Variants in TTC3 observed in about 807,000 individuals in gnomAD.
TTC3 encodes the protein E3 ubiquitin-protein ligase TTC3.
A neutral mutation model predicts 249.6 loss-of-function variants in TTC3; 180 were observed. The observed-to-expected ratio is 0.72, with a 90% CI of 0.64 to 0.82. The LOEUF (loss-of-function observed/expected upper bound fraction) is 0.82. TTC3 is among the 40% of genes least tolerant of loss of function. The pLI, the probability that TTC3 is intolerant of heterozygous loss-of-function variation, is 0.00. For missense variants in TTC3, 2,061 were observed against 2,398.4 expected (o/e 0.86, Z 2.94); for synonymous variants, 717 against 805.0 (o/e 0.89, Z 1.85).
chr21:37,095,416 A>G, exon 9 of TTC3: 1 of 1,605,906 alleles, frequency 6.2e-7, no homozygotes, highest in South Asian at 1.1e-5. Flanking sequence ...TATAGCTATT[A>G]TCTATTACAC....
intron 1 of TTC3, among the ~76,000 whole-genome samples, chr21:37,074,006 C>T (rs138473183): frequency 6.7e-4 from 102 of 152,336 alleles, no homozygotes; most frequent in African/African-American, 2.4e-3. Flanking sequence ...GGATTTAATT[C>T]TGTCGAGTGG....
At chr21:37,175,263 CAAAAAAAAAAAAA>C (rs58424565) in intron 35 of TTC3, among the ~76,000 whole-genome samples, 3 of 54,022 alleles carry the variant, frequency 5.6e-5, no homozygotes, top group African/African-American at 1.4e-4. Context: ...GACTGTGTCT[CAAAAAAAAAAAAA>C]AAAAAAAAAA....
intron 20 of TTC3, among the ~76,000 whole-genome samples, chr21:37,142,962 C>G (rs1420086605): frequency 6.6e-6 from 1 of 152,236 alleles, no homozygotes; most frequent in Non-Finnish European, 1.5e-5. Flanking sequence ...ACTATCTGAT[C>G]TTTGACAAAC....
chr21:37,179,697 G>A (rs1264762135), intron 35 of TTC3, among the ~76,000 whole-genome samples: 1 of 151,796 alleles, frequency 6.6e-6, no homozygotes, highest in East Asian at 1.9e-4. Context: ...TTTGAATGGG[G>A]GTCTCATTGT....
At chr21:37,182,134 C>G (rs1173186836) in intron 35 of TTC3, among the ~76,000 whole-genome samples, 1 of 152,152 alleles carries the variant, frequency 6.6e-6, no homozygotes. Context: ...ATGTGCCCCA[C>G]CCAAACCCCT....
intron 10 of TTC3, among the ~76,000 whole-genome samples, chr21:37,105,930 A>G (rs1231291273): frequency 6.6e-6 from 1 of 152,126 alleles, no homozygotes; most frequent in East Asian, 1.9e-4. Context: ...GAACATATGT[A>G]TTTATTTCTG....
intron 33 of TTC3, among the ~76,000 whole-genome samples, chr21:37,166,880 A>T (rs2081296609): frequency 6.6e-6 from 1 of 152,188 alleles, no homozygotes; most frequent in South Asian, 2.1e-4. Context: ...CAGCAGGTGG[A>T]GCCAAAACGT....
At chr21:37,180,336 TTTTC>T (rs1420021445) in intron 35 of TTC3, among the ~76,000 whole-genome samples, 6 of 152,138 alleles carry the variant, frequency 3.9e-5, no homozygotes, top group Non-Finnish European at 7.3e-5. Context: ...CTCTATTCTG[TTTTC>T]TTTATCTGCT....
rs895606805 is a variant in TTC3, at chr21:37,151,717, A to G, written c.2277-176A>G. On this transcript the variant is annotated intron_variant, in intron 25 of 45. Transcript: ENST00000355666. ...CCTAATCATTGAGGTTTTTGTTTTC[A>G]TGAAACAAGTACCCTTATTTTGACA... Among the ~76,000 whole-genome samples the G allele has an allele frequency of 3.3e-5, 5 of 152,206 alleles. No individual in the cohort carries two copies. In the East Asian group the frequency reaches 7.7e-4, roughly 23 times the overall value.
In TTC3 at chr21:37,155,212, T is replaced by C. The variant is rs73393147; in HGVS notation, c.2741-1443T>C. Among the ~76,000 whole-genome samples the C allele has an allele frequency of 5.6e-3, 858 of 152,180 alleles. 9 individuals are homozygous for C. The highest frequency in any genetic ancestry group is 0.02 in the African/African-American group (811 of 41,504). ...GGAATTTTCTTCAATAAAACGACTATTGGGTGGACTTACATCATGCACATA... is the reference window on the plus strand; with the variant it reads ...GGAATTTTCTTCAATAAAACGACTACTGGGTGGACTTACATCATGCACATA... On this transcript the variant is annotated intron_variant, in intron 27 of 45. Coordinates refer to ENST00000355666, the Ensembl canonical transcript of TTC3.
chr21:37,181,107 T>G (rs1283810891), intron 35 of TTC3, among the ~76,000 whole-genome samples: 1 of 152,236 alleles, frequency 6.6e-6, no homozygotes, highest in Non-Finnish European at 1.5e-5. Flanking sequence ...ATAGCTGACC[T>G]GTTTAGCATT....
At chr21:37,114,620 G>A (rs2075965927) in intron 11 of TTC3, among the ~76,000 whole-genome samples, 1 of 152,148 alleles carries the variant, frequency 6.6e-6, no homozygotes, top group African/African-American at 2.4e-5. Flanking sequence ...GGAAGTCAGT[G>A]TGGCGATTCC....
intron 29 of TTC3, among the ~76,000 whole-genome samples, chr21:37,160,078 A>G (rs2080554519): frequency 6.6e-6 from 1 of 152,220 alleles, no homozygotes; most frequent in African/African-American, 2.4e-5. Flanking sequence ...CTAAACTTCT[A>G]ATGTTCTGCT....
intron 16 of TTC3, among the ~76,000 whole-genome samples, chr21:37,130,093 C>T (rs61587892): frequency 0.058 from 8,768 of 152,176 alleles, 615 homozygotes; most frequent in African/African-American, 0.15. Context: ...CACTGGTTTT[C>T]AATTTCTTCT....
intron 21 of TTC3, 58 bp from the exon 22 acceptor site, chr21:37,147,423 G>A (rs879505580): frequency 4.8e-6 from 7 of 1,460,450 alleles, no homozygotes; most frequent in South Asian, 4.1e-5. Context: ...GAAATCACAA[G>A]CATTTTTATT....
chr21:37,164,848 G>A (rs1402425759), intron 32 of TTC3, among the ~76,000 whole-genome samples: 1 of 152,162 alleles, frequency 6.6e-6, no homozygotes, highest in Non-Finnish European at 1.5e-5. Context: ...CTGTAATAGA[G>A]TATTAATTTA....
chr21:37,125,670 T>G (rs2076988522), intron 14 of TTC3, among the ~76,000 whole-genome samples: 3 of 151,734 alleles, frequency 2.0e-5, no homozygotes, highest in Admixed American at 2.0e-4. Context: ...CAGTAGCTTC[T>G]TTTTTGGCTT....
chr21:37,188,584 G>T, exon 39 of TTC3: 3 of 1,613,946 alleles, frequency 1.9e-6, no homozygotes, highest in Admixed American at 3.3e-5. Context: ...AGAAGCTGGG[G>T]CTGATTAGCC....
chr21:37,171,762 A>G (rs944306918), intron 34 of TTC3, among the ~76,000 whole-genome samples: 1 of 152,234 alleles, frequency 6.6e-6, no homozygotes, highest in Non-Finnish European at 1.5e-5. Flanking sequence ...TGTATGGTCA[A>G]TCTGACCATA....
Sources: gnomAD v4.1 joint callset for allele counts (sites outside exome capture counted in the v4.1 genomes callset) on GRCh38, gnomAD v4.1.1 for gene constraint, MANE v1.5 for transcripts, NCBI Gene and HGNC (gene_info 2026-07-23, HGNC 2026-07-21) for gene names.